Variants in CACNA2D1 observed in about 807,000 individuals in gnomAD.
CACNA2D1 encodes voltage-dependent calcium channel subunit alpha-2/delta-1.
Under a neutral mutation model 171.5 loss-of-function variants are expected in CACNA2D1, and 53 were observed. The observed-to-expected ratio is 0.31, with a 90% CI of 0.25 to 0.39. The LOEUF is 0.39. Ranked by LOEUF, CACNA2D1 falls within the 10% of genes least tolerant of loss-of-function variation. The pLI is 1.00. For missense variants in CACNA2D1, 903 were observed against 1,299.8 expected, an observed-to-expected ratio of 0.69 and a Z score of 4.69; for synonymous variants, 442 against 443.1, an observed-to-expected ratio of 1.00 and a Z score of 0.03.
intron 4 of CACNA2D1, among the ~76,000 whole-genome samples, chr7:82,162,079 T>C (rs1795001111): frequency 6.6e-6 from 1 of 152,044 alleles, no homozygotes; most frequent in South Asian, 2.1e-4. Flanking sequence ...AGTGTGAAGA[T>C]AAATAGAACA....
At chr7:82,170,680 C>T (rs73387972) in intron 3 of CACNA2D1, 71 bp from the exon 4 acceptor site, 48 of 1,356,324 alleles carry the variant, frequency 3.5e-5, no homozygotes, top group Middle Eastern at 1.8e-4. Context: ...AAAATGCTTG[C>T]GCTTTCTAAT....
intron 38 of CACNA2D1, among the ~76,000 whole-genome samples, chr7:81,955,057 T>C (rs1025657155): frequency 1.3e-5 from 2 of 152,184 alleles, no homozygotes; most frequent in African/African-American, 4.8e-5. Flanking sequence ...ATGGACAGAA[T>C]TGGCTTGCTT....
chr7:82,295,558 G>A (rs1323215989), intron 3 of CACNA2D1, among the ~76,000 whole-genome samples: 1 of 151,100 alleles, frequency 6.6e-6, no homozygotes, highest in Non-Finnish European at 1.5e-5. Context: ...GTTTCACCAT[G>A]TTGCCTAGGC....
At chr7:82,044,774 C>T (rs1159099314) in intron 10 of CACNA2D1, among the ~76,000 whole-genome samples, 2 of 152,062 alleles carry the variant, frequency 1.3e-5, no homozygotes, top group African/African-American at 2.4e-5. Flanking sequence ...GTACTTATTC[C>T]TATTTTTAAA....
At chr7:82,361,091 T>G (rs535691017) in intron 1 of CACNA2D1, among the ~76,000 whole-genome samples, 30 of 152,322 alleles carry the variant, frequency 2.0e-4, no homozygotes, top group African/African-American at 6.7e-4. Flanking sequence ...TCAACCTTTT[T>G]GTCCTCACAG....
At chr7:82,393,565 T>C (rs558530376) in intron 1 of CACNA2D1, among the ~76,000 whole-genome samples, 2 of 152,358 alleles carry the variant, frequency 1.3e-5, no homozygotes, top group East Asian at 1.9e-4. Context: ...TCTGCATTCT[T>C]ATATTTTAAT....
At chr7:81,964,132 A>G in intron 33 of CACNA2D1, 24 bp from the exon 34 acceptor site, 1 of 1,611,592 alleles carries the variant, frequency 6.2e-7, no homozygotes, top group Non-Finnish European at 8.5e-7. Flanking sequence ...TAATAAGGTC[A>G]TTTCAGTAGT....
intron 21 of CACNA2D1, 105 bp from the exon 22 acceptor site, chr7:81,984,816 T>G: frequency 1.4e-6 from 1 of 712,978 alleles, no homozygotes. Flanking sequence ...ATCTTCCTCA[T>G]GGGAAGGAAA....
chr7:82,122,337 G>A (rs1242065898), intron 5 of CACNA2D1, among the ~76,000 whole-genome samples: 2 of 152,164 alleles, frequency 1.3e-5, no homozygotes, highest in Admixed American at 6.6e-5. Context: ...AGTCGCTGAT[G>A]AGGATTATAA....
intron 1 of CACNA2D1, among the ~76,000 whole-genome samples, chr7:82,391,884 G>A (rs935299016): frequency 6.6e-6 from 1 of 152,144 alleles, no homozygotes; most frequent in African/African-American, 2.4e-5. Context: ...CCCAACTTTT[G>A]TCTTTCTGAG....
chr7:82,094,209 G>A (rs935163222), intron 6 of CACNA2D1, among the ~76,000 whole-genome samples: 3 of 150,294 alleles, frequency 2.0e-5, no homozygotes, highest in African/African-American at 7.4e-5. Context: ...GTGACCCGTT[G>A]GTTTAAACAT....
chr7:81,968,402 A>T (rs1400675068), intron 29 of CACNA2D1, among the ~76,000 whole-genome samples: 2 of 151,448 alleles, frequency 1.3e-5, no homozygotes, highest in East Asian at 3.9e-4. Context: ...TATATTTTAT[A>T]GCAAGTTTTT....
chr7:82,338,764 T>G (rs1341657253), intron 2 of CACNA2D1, among the ~76,000 whole-genome samples: 1 of 152,206 alleles, frequency 6.6e-6, no homozygotes, highest in Non-Finnish European at 1.5e-5. Context: ...TGCCATTCTA[T>G]GTCCTAAATC....
chr7:82,422,894 A>G (rs1467117861), intron 1 of CACNA2D1, among the ~76,000 whole-genome samples: 1 of 152,126 alleles, frequency 6.6e-6, no homozygotes, highest in Non-Finnish European at 1.5e-5. Context: ...CAAGAAAAAA[A>G]AAAAATTTCC....
chr7:81,977,036 C>G (rs926550729), intron 24 of CACNA2D1, among the ~76,000 whole-genome samples: 8 of 151,930 alleles, frequency 5.3e-5, no homozygotes, highest in Non-Finnish European at 1.0e-4. Flanking sequence ...ATTTGAATAC[C>G]CTTTATTTCT....
intron 12 of CACNA2D1, chr7:82,020,791 A>C (rs1160288165): frequency 2.6e-5 from 4 of 152,168 alleles, no homozygotes; most frequent in Admixed American, 6.6e-5. Flanking sequence ...AATTTCCTGT[A>C]TTTATTGCAA....
intron 15 of CACNA2D1, among the ~76,000 whole-genome samples, chr7:82,011,299 A>T (rs1799744659): frequency 6.6e-6 from 1 of 152,160 alleles, no homozygotes; most frequent in African/African-American, 2.4e-5. Context: ...AAAAAATAAC[A>T]TAATGTTTTA....
Position 81,948,423 on chromosome 7 carries a change from T to C in CACNA2D1, c.*1969A>G, listed in dbSNP as rs1792214280. On this transcript the variant is annotated 3_prime_UTR_variant, in exon 39 of 39. Coordinates refer to ENST00000356860, the MANE Select transcript of CACNA2D1 (RefSeq NM_000722.4). ...TAACTGATGTCAACTCTTAGAACAATAGTTGGCAAAGTGATTCCATTTCCC... is the reference window on the plus strand; with the variant it reads ...TAACTGATGTCAACTCTTAGAACAACAGTTGGCAAAGTGATTCCATTTCCC... 6.6e-6 allele frequency: 1 copy of C among 151,538 alleles called. No homozygotes were observed. Among genetic ancestry groups the C allele is most frequent in the South Asian group, 2.1e-4 (1 of 4,822 alleles). The allele number at this position is 151,538 out of a possible 1,614,324, so 9.4% of individuals were successfully genotyped here.
rs145148918 is a variant in CACNA2D1, at chr7:82,269,742, C to T, written c.294+65393G>A. Among the ~76,000 whole-genome samples the T allele has an allele frequency of 5.8e-3, 877 of 152,264 alleles. 4 individuals are homozygous for T. Among genetic ancestry groups the T allele is most frequent in the Admixed American group, 0.012 (190 of 15,284 alleles). On this transcript the variant is annotated intron_variant, in intron 3 of 38. Coordinates refer to ENST00000356860, the MANE Select transcript of CACNA2D1 (RefSeq NM_000722.4). ...TCTGAGTGAATGATTGAGGCATCAG[C>T]AACACCAGGAAGAAAGTGGCAGACA...
Sources: gnomAD v4.1 joint callset for allele counts (sites outside exome capture counted in the v4.1 genomes callset) on GRCh38, gnomAD v4.1.1 for gene constraint, MANE v1.5 for transcripts, NCBI Gene and HGNC (gene_info 2026-07-23, HGNC 2026-07-21) for gene names.